The following IARS1 variants were observed in gnomAD, a reference collection of about 807,000 sequenced individuals.
The protein encoded by IARS1 is isoleucine--tRNA ligase, cytoplasmic.
In IARS1, 124 loss-of-function variants were observed where a neutral mutation model predicts 168.2. The observed-to-expected ratio is 0.74, with a 90% CI of 0.64 to 0.86. IARS1 has a LOEUF of 0.86. Among genes scored for constraint, IARS1 ranks in the 40% least tolerant of loss-of-function variants. IARS1 has a pLI of 0.00. For synonymous variants in IARS1, 532 were observed against 529.4 expected (o/e 1.00, Z -0.07); for missense variants, 1,452 against 1,515.8 (o/e 0.96, Z 0.70).
chr9:92,249,852 C>A lies in IARS1; in HGVS notation c.2616+6G>T, dbSNP rs1829756232. 1.3e-6 allele frequency: 2 copies of A among 1,490,796 alleles called. No homozygotes were observed. Among genetic ancestry groups the A allele is most frequent in the East Asian group, 2.3e-5 (1 of 44,266 alleles). The allele number at this position is 1,490,796 out of a possible 1,614,324, so 92.3% of individuals were successfully genotyped here. A position where few individuals can be genotyped will look rare whatever the true frequency, so the allele number is the denominator to read the frequency against. The stretch of plus-strand genomic sequence containing the variant: ...GTACCAAAAACAGACAAATCATCTA[C>A]CTTACCTCAATGATATACTTCTCCA... On this transcript the variant is annotated splice_donor_region_variant and intron_variant, in intron 25 of 33. Transcript: ENST00000443024.
Position 92,285,809 on chromosome 9 carries a change from G to T in IARS1, c.510C>A (p.Gly170=). 6.2e-7 allele frequency: 1 copy of T among 1,611,618 alleles called. No individual in the cohort carries two copies. The highest frequency in any genetic ancestry group is 1.1e-5 in the South Asian group (1 of 90,916). Reference sequence around the variant, plus strand: ...TGACTTTCACACCTCTATAAACAAGGCCTTTATCATAGAGTTGTTTGAAGA... The same window carrying T: ...TGACTTTCACACCTCTATAAACAAGTCCTTTATCATAGAGTTGTTTGAAGA... ...WWVFKQLYDK[G]LVYRGVKVMP... Residue 170 remains glycine, a synonymous_variant, in exon 6 of 34, where the codon GGC becomes GGA. Coordinates refer to ENST00000443024, the MANE Select transcript of IARS1 (RefSeq NM_002161.6).
At chr9:92,212,902 C>A (rs1272828729) in intron 33 of IARS1, among the ~76,000 whole-genome samples, 1 of 151,858 alleles carries the variant, frequency 6.6e-6, no homozygotes, top group Non-Finnish European at 1.5e-5. Flanking sequence ...AGCAAGGGAA[C>A]AAAATCAAGG....
chr9:92,271,155 T>C, intron 11 of IARS1, 79 bp from the exon 12 acceptor site: 2 of 785,236 alleles, frequency 2.5e-6, no homozygotes, highest in Non-Finnish European at 4.0e-6. Context: ...ATCTGATACC[T>C]TGTTATGAAT....
intron 29 of IARS1, 71 bp from the exon 30 acceptor site, chr9:92,241,032 A>T: frequency 1.2e-6 from 1 of 816,550 alleles, no homozygotes; most frequent in Non-Finnish European, 2.2e-6. Flanking sequence ...ATCGTGTAAC[A>T]CAGTGACTTC....
intron 1 of IARS1, among the ~76,000 whole-genome samples, chr9:92,291,491 A>G (rs1319550900): frequency 6.6e-6 from 1 of 152,192 alleles, no homozygotes; most frequent in Non-Finnish European, 1.5e-5. Flanking sequence ...CTCTGAGTTT[A>G]ATTTAAGAAA....
chr9:92,288,144 A>G lies in IARS1; in HGVS notation c.258T>C (p.Asp86=), dbSNP rs1835747506. 1 of 1,613,892 alleles carries G rather than the reference A, an allele frequency of 6.2e-7. No homozygotes were observed. Among genetic ancestry groups the G allele is most frequent in the Non-Finnish European group, 8.5e-7 (1 of 1,179,962 alleles). ...AACATACCACAGGTAAGCCATGGCAATCCCATCCAAATCTTCTGTCAACAT... is the reference window on the plus strand; with the variant it reads ...AACATACCACAGGTAAGCCATGGCAGTCCCATCCAAATCTTCTGTCAACAT... ...GFHVDRRFGW[D]CHGLPVEYEI... Residue 86 remains aspartate, a synonymous_variant, in exon 3 of 34, where the codon GAT becomes GAC. Transcript: ENST00000443024.
intron 30 of IARS1, among the ~76,000 whole-genome samples, chr9:92,237,916 G>GT (rs1475480010): frequency 6.6e-6 from 1 of 151,960 alleles, no homozygotes; most frequent in Non-Finnish European, 1.5e-5. Context: ...TGTTCTGCTT[G>GT]TTTTTTTGAG....
At chr9:92,243,344 C>A in intron 27 of IARS1, 33 bp from the exon 28 acceptor site, 1 of 1,431,736 alleles carries the variant, frequency 7.0e-7, no homozygotes, top group South Asian at 1.2e-5. Context: ...CCATGACAAT[C>A]AAATAAGGAG....
At chr9:92,213,741 T>C (rs1838153010) in intron 33 of IARS1, among the ~76,000 whole-genome samples, 1 of 152,166 alleles carries the variant, frequency 6.6e-6, no homozygotes, top group African/African-American at 2.4e-5. Flanking sequence ...TCACTTAGCT[T>C]TGTTTTGGAG....
chr9:92,252,029 C>T (rs117875907), intron 21 of IARS1, 144 bp from the exon 22 acceptor site: 27,062 of 664,268 alleles, frequency 0.041, 763 homozygotes, highest in South Asian at 0.084. Flanking sequence ...GAAAGGGCCA[C>T]GACCACAGGC....
rs768218162 is a variant in IARS1 at position 92,271,066 on chromosome 9, T to C, written c.1124A>G (p.Lys375Arg). Residue 375 changes from lysine (K) to arginine (R), a missense_variant, in exon 12 of 34, where the codon AAA (lysine) becomes AGA (arginine). Transcript: ENST00000443024. ...TTCCTTCAAAGTCCTGATGATACTT[T>C]TGTCAGCATCCTATTAAAAAAAATT... ...FAGQYVKDAD[K>R]SIIRTLKEQG... 2.9e-5 allele frequency: 47 copies of C among 1,602,706 alleles called. No homozygotes were observed. In the South Asian group the frequency reaches 5.0e-4, roughly 17 times the overall value.
Position 92,222,580 on chromosome 9 carries a change from T to G in IARS1, c.3646A>C (p.Lys1216Gln). 6.2e-7 allele frequency: 1 copy of G among 1,614,128 alleles called. No individual in the cohort carries two copies. Among genetic ancestry groups the G allele is most frequent in the Non-Finnish European group, 8.5e-7 (1 of 1,180,012 alleles). ...THQGLLYEAA[K>Q]VFGLRSRKLK... ...TTCCTGCTCCGAAGGCCAAACACCT[T>G]GGCTGCTTCATACAGAAGACCTTGG... Residue 1216 changes from lysine (K) to glutamine (Q), a missense_variant, in exon 33 of 34, where the codon AAG becomes CAG. Physicochemically the swap from Lys to Gln is moderately conservative, Grantham distance 53. Coordinates refer to ENST00000443024, the MANE Select transcript of IARS1 (RefSeq NM_002161.6).
At chr9:92,211,471 G>A (rs192471159) in intron 33 of IARS1, among the ~76,000 whole-genome samples, 16 of 152,244 alleles carry the variant, frequency 1.1e-4, no homozygotes, top group Admixed American at 1.0e-3. Context: ...TGAACCTGAG[G>A]GTGGTTTAGG....
rs746528543 is a variant in IARS1, at chr9:92,285,717, C to T, written c.597+5G>A. The T allele has an allele frequency of 1.1e-5, 17 of 1,539,936 alleles. No individual in the cohort carries two copies. The highest frequency in any genetic ancestry group is 2.2e-5 in the East Asian group (1 of 44,552). On this transcript the variant is annotated splice_donor_5th_base_variant and intron_variant, in intron 6 of 33. Coordinates refer to ENST00000443024, the MANE Select transcript of IARS1 (RefSeq NM_002161.6). ...TGCTGAATAATGTCTCTACATTTCA[C>T]GTACCTTATAATTCTGGTGTGACTC...
At chr9:92,250,356 A>T in intron 23 of IARS1, 67 bp from the exon 24 acceptor site, 1 of 996,318 alleles carries the variant, frequency 1.0e-6, no homozygotes, top group Non-Finnish European at 1.6e-6. Flanking sequence ...GGCACTAGGC[A>T]TGCATAAGCG....
chr9:92,219,914 C>G (rs1270953642), intron 33 of IARS1, among the ~76,000 whole-genome samples: 2 of 152,040 alleles, frequency 1.3e-5, no homozygotes, highest in Non-Finnish European at 2.9e-5. Flanking sequence ...CATCCCATTA[C>G]TGGGTACATA....
chr9:92,250,581 A>T, intron 23 of IARS1, 132 bp downstream of exon 23: 1 of 986,614 alleles, frequency 1.0e-6, no homozygotes, highest in Non-Finnish European at 1.5e-6. Flanking sequence ...CAGCCTGAGG[A>T]GTTCATGTCA....
At chr9:92,272,361 C>G (rs1439303051) in intron 10 of IARS1, among the ~76,000 whole-genome samples, 1 of 152,186 alleles carries the variant, frequency 6.6e-6, no homozygotes, top group East Asian at 1.9e-4. Context: ...CAGGAAAAGC[C>G]CCTAAGTGCA....
chr9:92,241,605 G>A (rs1404257181), intron 29 of IARS1, among the ~76,000 whole-genome samples: 1 of 152,152 alleles, frequency 6.6e-6, no homozygotes, highest in Non-Finnish European at 1.5e-5. Context: ...GCCTCCCAAA[G>A]TGCTGGGATT....
Sources: allele counts gnomAD v4.1 joint callset (sites outside exome capture counted in the v4.1 genomes callset), GRCh38; gene constraint gnomAD v4.1.1; transcripts MANE v1.5; gene names NCBI Gene and HGNC (gene_info 2026-07-23, HGNC 2026-07-21).